KLK10: variants seen among roughly 807,000 people sequenced by gnomAD.
The protein encoded by KLK10 is kallikrein related peptidase 10.
Under a neutral mutation model 25.7 loss-of-function variants are expected in KLK10, and 27 were observed. The ratio of observed to expected loss-of-function variants is 1.05; its 90% CI spans 0.77 to 1.45. KLK10 has a LOEUF of 1.45. Among genes scored for constraint, KLK10 ranks in the 40% most tolerant of loss-of-function variants. KLK10 has a pLI of 0.00. For synonymous variants in KLK10, 173 were observed against 160.1 expected (o/e 1.08, Z -0.61); for missense variants, 386 against 370.0 (o/e 1.04, Z -0.35).
Position 51,016,093 on chromosome 19 carries a change from C to A in KLK10, c.333G>T (p.Arg111=), listed in dbSNP as rs1285781613. The change falls in exon 4 of 6, where the codon CGG becomes CGT. Residue 111 remains arginine, a synonymous_variant. Coordinates refer to ENST00000358789, the MANE Select transcript of KLK10 (RefSeq NM_145888.3). ...TGGGATGGACAACAGAGCGAGTGGT[C>A]CGGCGGAGCTGCTCTCCCTGAAGAA... The part of the protein sequence containing the change: ...LLLLQGEQLR[R]TTRSVVHPKY... 1 of 1,578,604 alleles carries A rather than the reference C, an allele frequency of 6.3e-7. No individual in the cohort carries two copies. Among genetic ancestry groups the A allele is most frequent in the Non-Finnish European group, 8.6e-7 (1 of 1,162,318 alleles).
upstream of KLK10, chr19:51,019,717 C>T (rs1365513247): frequency 6.6e-6 from 1 of 152,286 alleles, no homozygotes; most frequent in Non-Finnish European, 1.5e-5. The surrounding 1 kb of genome is among the most constrained non-coding windows in gnomAD (Gnocchi z 4.2). Context: ...CCCAGGGACC[C>T]CTGGCGGGAC....
intron 4 of KLK10, 37 bp from the exon 5 acceptor site, chr19:51,015,587 C>T (rs201208324): frequency 1.9e-6 from 3 of 1,604,016 alleles, no homozygotes; most frequent in Non-Finnish European, 1.7e-6. Flanking sequence ...CTGGGTCCAG[C>T]CCCCAATCCT....
In KLK10 at chr19:51,013,085, T is replaced by C. The variant is rs971120122; in HGVS notation, c.*1715A>G. On this transcript the variant is annotated 3_prime_UTR_variant, in exon 6 of 6. Transcript: ENST00000358789. ...AAGTTTCCACCGACCTCGCTTCTGG[T>C]CTTTGGATGACAAACCCAGCTGATA... The C allele has an allele frequency of 2.0e-5, 3 of 152,276 alleles. No individual in the cohort carries two copies. The highest frequency in any genetic ancestry group is 2.9e-5 in the Non-Finnish European group (2 of 68,026). 9.4% of individuals were successfully genotyped at this position (152,276 alleles called of 1,614,324 possible).
intron 4 of KLK10, 139 bp downstream of exon 4, chr19:51,015,743 G>T: frequency 9.3e-7 from 1 of 1,074,748 alleles, no homozygotes; most frequent in Non-Finnish European, 1.3e-6. Context: ...CAGACTCACA[G>T]ACCCAGGCAT....
intron 2 of KLK10, among the ~76,000 whole-genome samples, chr19:51,017,614 C>A (rs1377159774): frequency 9.9e-5 from 13 of 130,792 alleles, no homozygotes; most frequent in African/African-American, 3.9e-4. Context: ...TTGAACGCGG[C>A]GGGGAGGTAA....
rs534291554 is a variant in KLK10, at chr19:51,014,781, CTGGAGCGTAGCATCTGGATCAGT to C, written c.827_*18del. 0.012 allele frequency: 18,746 copies of C among 1,611,150 alleles called. 194 individuals are homozygous for C. Among genetic ancestry groups the C allele is most frequent in the Middle Eastern group, 0.044 (264 of 6,038 alleles). On this transcript the variant is annotated stop_retained_variant and 3_prime_UTR_variant, in exon 6 of 6. Coordinates refer to ENST00000358789, the MANE Select transcript of KLK10 (RefSeq NM_145888.3). ...AGCAGGAGCATAACATCTGGATCAG[CTGGAGCGTAGCATCTGGATCAGT>C]TGGAGCGTATGACTTTATTGATCCA...
intron 2 of KLK10, among the ~76,000 whole-genome samples, chr19:51,018,164 C>CAAAAAAAAAAA (rs35154267): frequency 0.014 from 521 of 36,456 alleles, 23 homozygotes; most frequent in Non-Finnish European, 0.017. Context: ...TGCCCTGTCT[C>CAAAAAAAAAAA]AAAAAAAAAA....
intron 3 of KLK10, 106 bp downstream of exon 3, chr19:51,017,004 G>C: frequency 3.5e-6 from 4 of 1,147,062 alleles, no homozygotes; most frequent in Non-Finnish European, 4.8e-6. Context: ...ACCGGGGACC[G>C]CACCTCCAGC....
Position 51,014,835 on chromosome 19 carries a change from T to A in KLK10, c.796A>T (p.Met266Leu), listed in dbSNP as rs1232734609. ...PAVYTQICKY[M>L]SWINKVIRSN is the part of the protein sequence containing the mutation. ...CGTATGACTTTATTGATCCAGGACA[T>A]GTATTTGCAGATCTGGGTGTAGACA... The change falls in exon 6 of 6, where the codon ATG becomes TTG. Residue 266 changes from methionine (M) to leucine (L), a missense_variant. Coordinates refer to ENST00000358789, the MANE Select transcript of KLK10 (RefSeq NM_145888.3). 2 of 1,613,996 alleles carry A rather than the reference T, an allele frequency of 1.2e-6. No homozygotes were observed.
In KLK10 at chr19:51,014,515, C is replaced by A; in HGVS notation, c.*285G>T. 1 of 269,738 alleles carries A rather than the reference C, an allele frequency of 3.7e-6. No homozygotes were observed. Among genetic ancestry groups the A allele is most frequent in the Non-Finnish European group, 7.1e-6 (1 of 141,086 alleles). The allele number at this position is 269,738 out of a possible 1,614,324, so 16.7% of individuals were successfully genotyped here. ...AAGTCAGGTTGGGTGACCCCAGTAA[C>A]TGCTCTCAGAGGCTGGGTGATGACC... On this transcript the variant is annotated 3_prime_UTR_variant, in exon 6 of 6. Coordinates refer to ENST00000358789, the MANE Select transcript of KLK10 (RefSeq NM_145888.3).
Position 51,014,387 on chromosome 19 carries a change from T to C in KLK10, c.*413A>G, listed in dbSNP as rs141026546. The C allele has an allele frequency of 6.1e-4, 119 of 193,940 alleles. No individual in the cohort carries two copies. Among genetic ancestry groups the C allele is most frequent in the African/African-American group, 2.7e-3 (115 of 42,922 alleles). The allele number at this position is 193,940 out of a possible 1,614,324, so 12.0% of individuals were successfully genotyped here. A position where few individuals can be genotyped will look rare whatever the true frequency, so the allele number is the denominator to read the frequency against. On this transcript the variant is annotated 3_prime_UTR_variant, in exon 6 of 6. Coordinates refer to ENST00000358789, the MANE Select transcript of KLK10 (RefSeq NM_145888.3). ...TATCATAGTCTCCTCACAACATGTC[T>C]AAGAGGTAGGCACGTCATTGTTCCC...
chr19:51,017,076 C>T (rs773724285), intron 3 of KLK10, 34 bp downstream of exon 3: 1 of 1,534,294 alleles, frequency 6.5e-7, no homozygotes, highest in East Asian at 2.3e-5. Flanking sequence ...TCCACAGCCC[C>T]CCGTGGCGTC....
intron 3 of KLK10, among the ~76,000 whole-genome samples, chr19:51,016,538 C>A (rs2122437837): frequency 6.6e-6 from 1 of 150,888 alleles, no homozygotes; most frequent in Non-Finnish European, 1.5e-5. Context: ...GCTGGGATTA[C>A]AGGCACCCAC....
Position 51,019,273 on chromosome 19 carries a change from G to T in KLK10, c.-9-134C>A, listed in dbSNP as rs2091377824. The T allele has an allele frequency of 1.7e-6, 1 of 591,876 alleles. No homozygotes were observed. Among genetic ancestry groups the T allele is most frequent in the Admixed American group, 3.1e-5 (1 of 32,400 alleles). The allele number at this position is 591,876 out of a possible 1,614,324, so 36.7% of individuals were successfully genotyped here. A position where few individuals can be genotyped will look rare whatever the true frequency, so the allele number is the denominator to read the frequency against. Reference sequence around the variant, plus strand: ...TTGACCTGCAGCCGATAACCCCAGGGGCTGGCAGACGGGAGATTCGGGCTG... The same window carrying T: ...TTGACCTGCAGCCGATAACCCCAGGTGCTGGCAGACGGGAGATTCGGGCTG... On this transcript the variant is annotated intron_variant, in intron 1 of 5. Transcript: ENST00000358789. The surrounding 1 kb of genome is among the most constrained non-coding windows in gnomAD (Gnocchi z 4.2).
chr19:51,017,079 G>C, intron 3 of KLK10, 31 bp downstream of exon 3: 1 of 1,539,324 alleles, frequency 6.5e-7, no homozygotes, highest in South Asian at 1.2e-5. Flanking sequence ...ACAGCCCCCC[G>C]TGGCGTCCTC....
chr19:51,015,728 C>T (rs923420204), intron 4 of KLK10, 154 bp downstream of exon 4: 197 of 1,054,622 alleles, frequency 1.9e-4, no homozygotes, highest in Non-Finnish European at 2.1e-4. Context: ...AGCCCCTCCT[C>T]CCCTCAGACT....
At chr19:51,015,611 G>T in intron 4 of KLK10, 61 bp from the exon 5 acceptor site, 1 of 1,563,876 alleles carries the variant, frequency 6.4e-7, no homozygotes, top group Non-Finnish European at 8.8e-7. Flanking sequence ...GGAGCCAGGA[G>T]TCCAGATACA....
rs1266036097 is a variant in KLK10, at chr19:51,019,236, G to T, written c.-9-97C>A. On this transcript the variant is annotated intron_variant, in intron 1 of 5. Transcript: ENST00000358789. The surrounding 1 kb of genome is among the most constrained non-coding windows in gnomAD (Gnocchi z 4.2). ...CGCCCAGCCTGGGCCACCCCAGCCC[G>T]CAAGCACCCTTTTGACCTGCAGCCG... The T allele has an allele frequency of 2.0e-5, 16 of 788,942 alleles. No individual in the cohort carries two copies. Among genetic ancestry groups the T allele is most frequent in the African/African-American group, 3.5e-5 (2 of 57,138 alleles). The allele number at this position is 788,942 out of a possible 1,614,324, so 48.9% of individuals were successfully genotyped here.
At chr19:51,017,034 C>A (rs1417222606) in intron 3 of KLK10, 76 bp downstream of exon 3, 3 of 1,388,712 alleles carry the variant, frequency 2.2e-6, no homozygotes, top group African/African-American at 1.5e-5. Context: ...TCCGAGAGAC[C>A]CCGCCCTGCC....
Sources: allele counts gnomAD v4.1 joint callset (sites outside exome capture counted in the v4.1 genomes callset), GRCh38; gene constraint gnomAD v4.1.1; non-coding constraint Gnocchi (gnomAD v3.1); transcripts MANE v1.5; gene names NCBI Gene and HGNC (gene_info 2026-07-23, HGNC 2026-07-21).